Variants in PLD5 observed in about 807,000 individuals in gnomAD.
PLD5 encodes the protein phospholipase D family member 5.
PLD5 carries 36 observed loss-of-function variants against 61.1 expected under a neutral mutation model. The ratio of observed to expected loss-of-function variants is 0.59; its 90% CI spans 0.45 to 0.78. PLD5 has a LOEUF of 0.78. Ranked by LOEUF, PLD5 falls within the 30% of genes least tolerant of loss-of-function variation. PLD5 has a pLI of 0.00. For synonymous variants in PLD5, 243 were observed against 242.8 expected, an observed-to-expected ratio of 1.00 and a Z score of -0.01; for missense variants, 515 against 644.4, an observed-to-expected ratio of 0.80 and a Z score of 2.17.
intron 1 of PLD5, among the ~76,000 whole-genome samples, chr1:242,497,537 C>A (rs1459784798): frequency 6.6e-6 from 1 of 152,140 alleles, no homozygotes; most frequent in East Asian, 1.9e-4. Context: ...GTGGACTGAG[C>A]CATCCATTGG....
intron 3 of PLD5, among the ~76,000 whole-genome samples, chr1:242,266,130 C>T (rs1558411864): frequency 6.6e-6 from 1 of 152,224 alleles, no homozygotes; most frequent in Non-Finnish European, 1.5e-5. Context: ...AATCCCAGAA[C>T]TTTGGGAGGC....
intron 4 of PLD5, among the ~76,000 whole-genome samples, chr1:242,257,145 A>G (rs1220519130): frequency 6.6e-6 from 1 of 152,036 alleles, no homozygotes; most frequent in Non-Finnish European, 1.5e-5. Flanking sequence ...CCTACCTTCT[A>G]TCTATGTATC....
rs527685017 is a variant in PLD5, at chr1:242,349,688, C to G, written c.190-1446G>C. 2.0e-5 allele frequency among the ~76,000 whole-genome samples: 3 copies of G among 152,230 alleles called. No homozygotes were observed. The East Asian group carries it at 5.8e-4, about 29-fold the overall frequency. ...TCTAGGGGCTCATGGCTAAAAGTGG[C>G]AGAAGACAGGGCCATGATAACTGGG... is the stretch of plus-strand genomic sequence containing the variant. On this transcript the variant is annotated intron_variant, in intron 1 of 9. Transcript: ENST00000536534.
chr1:242,254,533 T>G (rs2840618), intron 4 of PLD5, among the ~76,000 whole-genome samples: 104,580 of 151,872 alleles, frequency 0.69, 36,573 homozygotes, highest in South Asian at 0.75. Flanking sequence ...AGCCAGGCAT[T>G]GTGGTGGGCA....
intron 1 of PLD5, among the ~76,000 whole-genome samples, chr1:242,374,007 T>C (rs546179919): frequency 1.3e-5 from 2 of 151,628 alleles, no homozygotes; most frequent in African/African-American, 4.8e-5. Context: ...AGCACCACAT[T>C]GAGCCACAAA....
intron 1 of PLD5, among the ~76,000 whole-genome samples, chr1:242,512,277 A>G (rs976325899): frequency 1.2e-4 from 18 of 151,608 alleles, no homozygotes; most frequent in African/African-American, 2.2e-4. Flanking sequence ...AAAATTAGCC[A>G]GGCATGGTGG....
In PLD5 at chr1:242,085,968, C is replaced by T. The variant is rs935406156; in HGVS notation, c.*3886G>A. On this transcript the variant is annotated 3_prime_UTR_variant, in exon 10 of 10. Coordinates refer to ENST00000536534, the MANE Select transcript of PLD5 (RefSeq NM_001372062.1). ...AGAAATTCTTATGGTCTTTTCTCCC[C>T]CCTTGGAATTTAGTTCAATAAAAGT... 5 of 152,134 alleles carry T rather than the reference C, an allele frequency of 3.3e-5. No homozygotes were observed. Among genetic ancestry groups the T allele is most frequent in the African/African-American group, 9.7e-5 (4 of 41,424 alleles). The allele number at this position is 152,134 out of a possible 1,614,324, so 9.4% of individuals were successfully genotyped here. A position where few individuals can be genotyped will look rare whatever the true frequency, so the allele number is the denominator to read the frequency against.
intron 2 of PLD5, among the ~76,000 whole-genome samples, chr1:242,300,451 G>GAAGAAAGA (rs142382112): frequency 4.3e-4 from 65 of 149,732 alleles, no homozygotes; most frequent in African/African-American, 1.6e-3. Context: ...GGAGGAGGAA[G>GAAGAAAGA]AAGAAAGAAA....
At chr1:242,114,809 A>G (rs6669891) in intron 6 of PLD5, among the ~76,000 whole-genome samples, 4,359 of 152,308 alleles carry the variant, frequency 0.029, 206 homozygotes, top group African/African-American at 0.098. Flanking sequence ...AAAGAAGCTC[A>G]GGGCTGTCAC....
At chr1:242,301,277 T>C (rs1300285328) in intron 2 of PLD5, among the ~76,000 whole-genome samples, 1 of 152,204 alleles carries the variant, frequency 6.6e-6, no homozygotes, top group Non-Finnish European at 1.5e-5. Context: ...TCTTCCAATT[T>C]AGCCTTTGTC....
chr1:242,301,775 A>ATTATTATTG (rs537275546), intron 2 of PLD5, among the ~76,000 whole-genome samples: 2,730 of 129,756 alleles, frequency 0.021, 100 homozygotes, highest in African/African-American at 0.067. Context: ...CATTATTATT[A>ATTATTATTG]TTATTATTAT....
intron 1 of PLD5, among the ~76,000 whole-genome samples, chr1:242,393,991 C>T (rs1297458938): frequency 1.4e-5 from 2 of 142,258 alleles, no homozygotes; most frequent in African/African-American, 2.6e-5. Context: ...ACCCGGAAGG[C>T]GGAGGTTGCA....
chr1:242,485,824 G>A (rs961905781), intron 1 of PLD5, among the ~76,000 whole-genome samples: 23 of 152,236 alleles, frequency 1.5e-4, no homozygotes, highest in African/African-American at 5.5e-4. Context: ...ATACTACAAG[G>A]CTACAGTAAG....
chr1:242,400,782 TTTCTC>T (rs1663888153), intron 1 of PLD5, among the ~76,000 whole-genome samples: 2 of 152,082 alleles, frequency 1.3e-5, no homozygotes, highest in African/African-American at 2.4e-5. Context: ...GTGCATAAGC[TTTCTC>T]TGCACATGGG....
At chr1:242,455,644 C>T (rs1174212016) in intron 1 of PLD5, among the ~76,000 whole-genome samples, 6 of 152,166 alleles carry the variant, frequency 3.9e-5, no homozygotes, top group Non-Finnish European at 7.3e-5. Context: ...ATGAAGTAGG[C>T]GCTTATATGG....
chr1:242,159,516 C>G lies in PLD5; in HGVS notation c.736-34851G>C, dbSNP rs180969712. ...TCTTTGTTTTTCTGATTAAGCTTTA[C>G]TGTTAGGCAGCCACTGTGTTTATGG... On this transcript the variant is annotated intron_variant, in intron 5 of 9. Coordinates refer to ENST00000536534, the MANE Select transcript of PLD5 (RefSeq NM_001372062.1). 4.7e-4 allele frequency among the ~76,000 whole-genome samples: 72 copies of G among 152,240 alleles called. 2 individuals are homozygous for G. In the East Asian group the frequency reaches 0.013, roughly 27 times the overall value.
intron 5 of PLD5, among the ~76,000 whole-genome samples, chr1:242,197,073 C>G (rs1335693612): frequency 1.3e-5 from 2 of 152,216 alleles, no homozygotes; most frequent in Non-Finnish European, 2.9e-5. Context: ...ATGCTCACCC[C>G]TTGACTCAGT....
At chr1:242,430,779 G>A (rs1272071341) in intron 1 of PLD5, among the ~76,000 whole-genome samples, 7 of 152,108 alleles carry the variant, frequency 4.6e-5, no homozygotes, top group African/African-American at 1.2e-4. Context: ...TGTCTAACTT[G>A]CTAGCTCACA....
At chr1:242,228,007 G>A (rs1447432228) in intron 4 of PLD5, among the ~76,000 whole-genome samples, 1 of 152,090 alleles carries the variant, frequency 6.6e-6, no homozygotes, top group African/African-American at 2.4e-5. Flanking sequence ...TTATCTCTAG[G>A]TTAAACACTA....
Sources: allele counts gnomAD v4.1 joint callset (sites outside exome capture counted in the v4.1 genomes callset), GRCh38; gene constraint gnomAD v4.1.1; transcripts MANE v1.5; gene names NCBI Gene and HGNC (gene_info 2026-07-23, HGNC 2026-07-21).